The following SUPT3H variants were observed in gnomAD, a reference collection of about 807,000 sequenced individuals.
SUPT3H encodes transcription initiation protein SPT3 homolog.
In SUPT3H, 44 loss-of-function variants were observed where a neutral mutation model predicts 44.3. The observed-to-expected ratio is 0.99, with a 90% CI of 0.78 to 1.28. The LOEUF is 1.28. Ranked by LOEUF, SUPT3H falls within the 50% of genes most tolerant of loss-of-function variation. The pLI is 0.00. For missense variants in SUPT3H, 380 were observed against 387.1 expected, an observed-to-expected ratio of 0.98 and a Z score of 0.15; for synonymous variants, 124 against 125.6, an observed-to-expected ratio of 0.99 and a Z score of 0.09.
At chr6:45,158,639 C>A (rs930757524) in intron 2 of SUPT3H, among the ~76,000 whole-genome samples, 5 of 151,734 alleles carry the variant, frequency 3.3e-5, no homozygotes, top group African/African-American at 4.8e-5. Context: ...TGAGACATAC[C>A]CAGCCACTTC....
chr6:44,824,514 A>C (rs1168244373), downstream of SUPT3H, among the ~76,000 whole-genome samples: 1 of 152,118 alleles, frequency 6.6e-6, no homozygotes, highest in Non-Finnish European at 1.5e-5. Context: ...TTCAGAAAAG[A>C]AAGTTGTACC....
At chr6:45,359,969 A>G (rs1299399997) in intron 2 of SUPT3H, among the ~76,000 whole-genome samples, 1 of 152,218 alleles carries the variant, frequency 6.6e-6, no homozygotes, top group Non-Finnish European at 1.5e-5. Flanking sequence ...GGTCCTTGTT[A>G]CTAATAACCG....
intron 2 of SUPT3H, 84 bp from the exon 3 acceptor site, chr6:45,106,090 G>T: frequency 9.0e-7 from 1 of 1,109,966 alleles, no homozygotes; most frequent in Non-Finnish European, 1.4e-6. Context: ...ACATGAATCA[G>T]TTTAGTAAGG....
intron 6 of SUPT3H, among the ~76,000 whole-genome samples, chr6:44,994,773 T>C (rs987664973): frequency 1.3e-5 from 2 of 151,988 alleles, no homozygotes; most frequent in African/African-American, 2.4e-5. Flanking sequence ...AACAAAAACA[T>C]AAAAGGGCAG....
At chr6:44,954,386 T>C (rs1774787974) in intron 8 of SUPT3H, 109 bp downstream of exon 8, 1 of 828,254 alleles carries the variant, frequency 1.2e-6, no homozygotes, top group African/African-American at 1.7e-5. Context: ...AGGAGAGAAT[T>C]CATGGCTGTT....
intron 2 of SUPT3H, among the ~76,000 whole-genome samples, chr6:45,297,992 C>T (rs1205593844): frequency 6.6e-6 from 1 of 152,092 alleles, no homozygotes; most frequent in East Asian, 1.9e-4. Context: ...AGCTTCAGGC[C>T]ACCAAGCTGA....
intron 3 of SUPT3H, among the ~76,000 whole-genome samples, chr6:45,024,944 C>G (rs1485899538): frequency 6.6e-6 from 1 of 151,978 alleles, no homozygotes; most frequent in Non-Finnish European, 1.5e-5. Flanking sequence ...TGTTCTGAGG[C>G]TGCTGGCTTT....
chr6:45,177,089 GAGA>G (rs778061069), intron 2 of SUPT3H, among the ~76,000 whole-genome samples: 3 of 152,358 alleles, frequency 2.0e-5, no homozygotes, highest in Admixed American at 6.5e-5. Flanking sequence ...GACTAGCTGA[GAGA>G]AGAAGGCTTC....
chr6:44,891,009 T>C (rs1763226001), intron 10 of SUPT3H, among the ~76,000 whole-genome samples: 1 of 151,812 alleles, frequency 6.6e-6, no homozygotes, highest in African/African-American at 2.4e-5. Context: ...GGGGTAACAT[T>C]AGGAGAAATA....
rs1810850314 is a variant in SUPT3H, at chr6:45,171,871, C to T, written c.102-65865G>A. The stretch of plus-strand genomic sequence containing the variant: ...TAGCTGGGACTAAAGGCATGCAACA[C>T]CACGCCCAGCTAATTTTTGTATTTT... On this transcript the variant is annotated intron_variant, in intron 2 of 10. Transcript: ENST00000371459. 2.0e-5 allele frequency among the ~76,000 whole-genome samples: 3 copies of T among 151,490 alleles called. No individual in the cohort carries two copies. In the South Asian group the frequency reaches 6.2e-4, roughly 32 times the overall value.
intron 1 of SUPT3H, among the ~76,000 whole-genome samples, chr6:45,372,825 C>T (rs1796270614): frequency 1.3e-5 from 2 of 151,850 alleles, no homozygotes; most frequent in Admixed American, 1.3e-4. Flanking sequence ...AGCTCAGCTA[C>T]ATTTTTTTTT....
intron 4 of SUPT3H, 66 bp from the exon 5 acceptor site, chr6:45,014,957 C>G: frequency 1.1e-6 from 1 of 906,374 alleles, no homozygotes; most frequent in Non-Finnish European, 1.5e-6. Flanking sequence ...TGATTAAAGA[C>G]TACTATAACC....
chr6:45,018,006 T>C (rs958168500), intron 4 of SUPT3H, among the ~76,000 whole-genome samples: 2 of 151,980 alleles, frequency 1.3e-5, no homozygotes, highest in Non-Finnish European at 2.9e-5. Context: ...TTTGTTTGTA[T>C]CCTCTTTTAT....
chr6:45,361,056 TG>T (rs1325005130), intron 2 of SUPT3H, among the ~76,000 whole-genome samples: 1 of 152,160 alleles, frequency 6.6e-6, no homozygotes, highest in Non-Finnish European at 1.5e-5. Context: ...GAGGGTCACT[TG>T]TGCCTAAGAG....
intron 10 of SUPT3H, among the ~76,000 whole-genome samples, chr6:44,885,725 G>T (rs1358747511): frequency 6.6e-6 from 1 of 152,126 alleles, no homozygotes; most frequent in Non-Finnish European, 1.5e-5. Context: ...TCCTCCAAAG[G>T]AACACAGTTC....
chr6:45,113,853 T>C (rs889644420), intron 2 of SUPT3H, among the ~76,000 whole-genome samples: 1 of 134,438 alleles, frequency 7.4e-6, no homozygotes, highest in Non-Finnish European at 1.6e-5. Flanking sequence ...AAAAATCAAA[T>C]AAACATCTAA....
intron 10 of SUPT3H, among the ~76,000 whole-genome samples, chr6:44,877,852 G>C (rs1423108824): frequency 6.6e-6 from 1 of 152,132 alleles, no homozygotes; most frequent in Admixed American, 6.5e-5. Flanking sequence ...TTGTTCTCCA[G>C]TTCTGCACTG....
chr6:45,143,637 A>G (rs1309108930), intron 2 of SUPT3H, among the ~76,000 whole-genome samples: 4 of 152,152 alleles, frequency 2.6e-5, no homozygotes, highest in Admixed American at 2.0e-4. Context: ...TCACACCTCA[A>G]GGAACTGGAG....
intron 3 of SUPT3H, among the ~76,000 whole-genome samples, chr6:45,035,074 T>C (rs1787478039): frequency 6.6e-6 from 1 of 152,190 alleles, no homozygotes; most frequent in Non-Finnish European, 1.5e-5. Flanking sequence ...TTCTATGGAG[T>C]ATTTAAAGTC....
Sources: gnomAD v4.1 joint callset for allele counts (sites outside exome capture counted in the v4.1 genomes callset) on GRCh38, gnomAD v4.1.1 for gene constraint, MANE v1.5 for transcripts, NCBI Gene and HGNC (gene_info 2026-07-23, HGNC 2026-07-21) for gene names.